CR2: variants seen among roughly 807,000 people sequenced by gnomAD.
The protein encoded by CR2 is complement receptor type 2.
Under a neutral mutation model 123.0 loss-of-function variants are expected in CR2, and 96 were observed. The observed-to-expected ratio is 0.78, with a 90% CI of 0.66 to 0.93. CR2 has a LOEUF of 0.93. CR2 is among the 40% of genes least tolerant of loss of function. CR2 has a pLI of 0.00. For synonymous variants in CR2, 484 were observed against 469.5 expected, an observed-to-expected ratio of 1.03 and a Z score of -0.40; for missense variants, 1,258 against 1,361.0, an observed-to-expected ratio of 0.92 and a Z score of 1.19.
chr1:207,469,609 A>T, intron 5 of CR2, 86 bp from the exon 6 acceptor site: 1 of 1,206,458 alleles, frequency 8.3e-7, no homozygotes, highest in Non-Finnish European at 1.2e-6. Context: ...TCACTGTCCT[A>T]GGATAGTGGT....
intron 10 of CR2, 127 bp from the exon 11 acceptor site, chr1:207,473,418 T>C: frequency 8.7e-7 from 1 of 1,150,308 alleles, no homozygotes. Flanking sequence ...CAGCATTCAG[T>C]AGTGAATTTG....
chr1:207,469,419 C>T (rs748232997), intron 5 of CR2, among the ~76,000 whole-genome samples, 187 bp downstream of exon 5: 33 of 152,154 alleles, frequency 2.2e-4, no homozygotes, highest in Non-Finnish European at 3.2e-4. Flanking sequence ...GGCTTTCCCT[C>T]CTCTGAAAGC....
In CR2 at chr1:207,470,746, A is replaced by T; in HGVS notation, c.1232A>T (p.Gln411Leu). Reference sequence around the variant, plus strand: ...TTTTTGTCCTTTCATTTAGAATGCCAGGCCCCTCCTAACATCCTCAATGGG... The same window carrying T: ...TTTTTGTCCTTTCATTTAGAATGCCTGGCCCCTCCTAACATCCTCAATGGG... ...PSAPVCEKECQAPPNILNGQK... is the reference protein window; with the variant it reads ...PSAPVCEKECLAPPNILNGQK... Residue 411 changes from glutamine (Q) to leucine (L), a missense_variant, in exon 7 of 20, where the codon CAG (glutamine) becomes CTG (leucine). By Grantham distance (113) the Gln-to-Leu change is moderately radical. Transcript: ENST00000367057. 1 of 1,613,792 alleles carries T rather than the reference A, an allele frequency of 6.2e-7. No individual in the cohort carries two copies. The highest frequency in any genetic ancestry group is 8.5e-7 in the Non-Finnish European group (1 of 1,179,776).
intron 10 of CR2, 30 bp from the exon 11 acceptor site, chr1:207,473,515 G>A: frequency 1.2e-6 from 2 of 1,600,496 alleles, no homozygotes; most frequent in East Asian, 4.5e-5. Context: ...CCTCTGTGTT[G>A]GTATTTATGT....
intron 1 of CR2, among the ~76,000 whole-genome samples, chr1:207,457,302 C>G (rs1444899966): frequency 6.6e-6 from 1 of 152,190 alleles, no homozygotes; most frequent in Non-Finnish European, 1.5e-5. Context: ...AATTCAGCTC[C>G]TTTTCCTGTA....
rs1205042139 is a variant in CR2, at chr1:207,486,336, C to G, written c.*18+764C>G. Among the ~76,000 whole-genome samples the G allele has an allele frequency of 2.0e-5, 3 of 151,098 alleles. No homozygotes were observed. In the East Asian group the frequency reaches 5.9e-4, roughly 30 times the overall value. On this transcript the variant is annotated intron_variant, in intron 19 of 19. Coordinates refer to ENST00000367057, the MANE Select transcript of CR2 (RefSeq NM_001006658.3). ...AAGGCCATAAGGCAGTGTGTGCCAG[C>G]TGTGTTGGCGGCACAGCAAGGAGGC... is the stretch of plus-strand genomic sequence containing the variant.
Position 207,469,092 on chromosome 1 carries a change from C to G in CR2, c.735-58C>G. 2.1e-6 allele frequency: 3 copies of G among 1,462,950 alleles called. No individual in the cohort carries two copies. In the South Asian group the frequency reaches 3.4e-5, roughly 17 times the overall value. 90.6% of individuals were successfully genotyped at this position (1,462,950 alleles called of 1,614,324 possible). A position where few individuals can be genotyped will look rare whatever the true frequency, so the allele number is the denominator to read the frequency against. ...ACTTGTCTTGAATTGTAAGTAGAGG[C>G]TGCTGTTCTTCAGCACAAACTGCCT... On this transcript the variant is annotated intron_variant, in intron 4 of 19. Coordinates refer to ENST00000367057, the MANE Select transcript of CR2 (RefSeq NM_001006658.3).
chr1:207,464,563 G>A (rs1467807594), intron 1 of CR2, among the ~76,000 whole-genome samples: 2 of 152,200 alleles, frequency 1.3e-5, no homozygotes, highest in Non-Finnish European at 2.9e-5. Flanking sequence ...GATGTCTGGA[G>A]CTCTGGAGCA....
rs1658348970 is a variant in CR2 at position 207,473,575 on chromosome 1, G to T, written c.2009G>T (p.Gly670Val). ...CAGTCACCTCCTGGGCTCCACCATG[G>T]TCGTCATACAGGTGGAAATACGGTC... Reference protein sequence around the residue: ...GCQSPPGLHHGRHTGGNTVFF... With the variant: ...GCQSPPGLHHVRHTGGNTVFF... Residue 670 changes from glycine to valine, a missense_variant, in exon 11 of 20, where the codon GGT becomes GTT. Transcript: ENST00000367057. 6.2e-7 allele frequency: 1 copy of T among 1,613,918 alleles called. No individual in the cohort carries two copies. The highest frequency in any genetic ancestry group is 1.3e-5 in the African/African-American group (1 of 75,014).
At position 207,454,632 on chromosome 1, in the gene CR2, C is replaced by T; in HGVS notation, c.58+156C>T. 2 of 612,142 alleles carry T rather than the reference C, an allele frequency of 3.3e-6. No individual in the cohort carries two copies. Among genetic ancestry groups the T allele is most frequent in the South Asian group, 2.0e-5 (1 of 50,496 alleles). The allele number at this position is 612,142 out of a possible 1,614,324, so 37.9% of individuals were successfully genotyped here. On this transcript the variant is annotated intron_variant, in intron 1 of 19. Transcript: ENST00000367057. The surrounding 1 kb of genome is among the most constrained non-coding windows in gnomAD (Gnocchi z 4.3). ...AGCTTTGAGGGACCACTGCAATAAA[C>T]CGCCTGGTCCTGATTGTCCCCACTG...
At chr1:207,488,912 AT>A (rs1189684720) in intron 19 of CR2, among the ~76,000 whole-genome samples, 2 of 152,180 alleles carry the variant, frequency 1.3e-5, no homozygotes, top group Admixed American at 1.3e-4. Context: ...TTCATTTCTC[AT>A]TTAGTTTAAT....
chr1:207,456,038 T>G (rs1572943648), intron 1 of CR2, among the ~76,000 whole-genome samples: 1 of 152,246 alleles, frequency 6.6e-6, no homozygotes, highest in East Asian at 1.9e-4. Flanking sequence ...TATAGGTCAC[T>G]TTCCAATTAT....
At chr1:207,471,571 G>C in intron 9 of CR2, 72 bp downstream of exon 9, 1 of 1,101,438 alleles carries the variant, frequency 9.1e-7, no homozygotes, top group Non-Finnish European at 1.4e-6. Flanking sequence ...TTTTTGTTTT[G>C]GGACATGTTA....
At chr1:207,466,041 A>G (rs956917477) in intron 1 of CR2, among the ~76,000 whole-genome samples, 5 of 152,186 alleles carry the variant, frequency 3.3e-5, no homozygotes, top group Non-Finnish European at 7.3e-5. Flanking sequence ...TTCTCACTAT[A>G]CCTTATGAAG....
At position 207,458,965 on chromosome 1, in the gene CR2, TAA is replaced by T. The variant is rs369125693; in HGVS notation, c.58+4498_58+4499del. Among the ~76,000 whole-genome samples, 608 of 147,834 alleles carry T rather than the reference TAA, an allele frequency of 4.1e-3. 3 individuals are homozygous for T. The highest frequency in any genetic ancestry group is 0.012 in the African/African-American group (489 of 40,514). On this transcript the variant is annotated intron_variant, in intron 1 of 19. Coordinates refer to ENST00000367057, the MANE Select transcript of CR2 (RefSeq NM_001006658.3). ...CTAAATAACAAACAGGGAAAGACCCTAAAAAAAAAAGATATTTGTTTGGGAAT... is the reference window on the plus strand; with the variant it reads ...CTAAATAACAAACAGGGAAAGACCCTAAAAAAAAGATATTTGTTTGGGAAT...
At chr1:207,458,059 A>AAAACACACAC (rs1553278509) in intron 1 of CR2, among the ~76,000 whole-genome samples, 4 of 122,570 alleles carry the variant, frequency 3.3e-5, no homozygotes, top group Non-Finnish European at 6.6e-5. Context: ...TCAAGGCCAC[A>AAAACACACAC]ACACACACAC....
intron 14 of CR2, 142 bp downstream of exon 14, chr1:207,475,358 T>C (rs1658408367): frequency 1.5e-5 from 13 of 847,312 alleles, no homozygotes; most frequent in Non-Finnish European, 2.3e-5. Context: ...ATTTGCCTTT[T>C]CCTATCTTCT....
At chr1:207,468,354 A>AT (rs1161850868) in intron 2 of CR2, 173 bp from the exon 3 acceptor site, 7 of 653,868 alleles carry the variant, frequency 1.1e-5, no homozygotes, top group East Asian at 5.5e-5. Flanking sequence ...TTTTTTTGCA[A>AT]TTTTTTTAGC....
Position 207,468,596 on chromosome 1 carries a change from C to T in CR2, c.515C>T (p.Ser172Phe), listed in dbSNP as rs751783758. Residue 172 changes from serine to phenylalanine, a missense_variant, in exon 3 of 20, where the codon TCC (serine) becomes TTC (phenylalanine). Transcript: ENST00000367057. Reference protein sequence around the residue: ...NGHHTSENVGSIAPGLSVTYS... With the variant: ...NGHHTSENVGFIAPGLSVTYS... Reference sequence around the variant, plus strand: ...CATCACACAAGTGAGAATGTTGGCTCCATTGCTCCAGGATTGTCTGTGACT... The same window carrying T: ...CATCACACAAGTGAGAATGTTGGCTTCATTGCTCCAGGATTGTCTGTGACT... The T allele has an allele frequency of 6.2e-7, 1 of 1,614,018 alleles. No individual in the cohort carries two copies.
Sources: allele counts gnomAD v4.1 joint callset (sites outside exome capture counted in the v4.1 genomes callset), GRCh38; gene constraint gnomAD v4.1.1; non-coding constraint Gnocchi (gnomAD v3.1); transcripts MANE v1.5; gene names NCBI Gene and HGNC (gene_info 2026-07-23, HGNC 2026-07-21).